Variants in HSDL1 observed in about 807,000 individuals in gnomAD.
HSDL1 encodes the protein hydroxysteroid dehydrogenase like 1.
Under a neutral mutation model 31.5 loss-of-function variants are expected in HSDL1, and 29 were observed. The ratio of observed to expected loss-of-function variants is 0.92; its 90% CI spans 0.69 to 1.26. The LOEUF is 1.26. Ranked by LOEUF, HSDL1 falls within the 50% of genes most tolerant of loss-of-function variation. The pLI is 0.00. For missense variants in HSDL1, 503 were observed against 416.6 expected, an observed-to-expected ratio of 1.21 and a Z score of -1.81; for synonymous variants, 222 against 155.2, an observed-to-expected ratio of 1.43 and a Z score of -3.20.
At chr16:84,129,493 T>G in intron 5 of HSDL1, 55 bp downstream of exon 5, 1 of 1,216,472 alleles carries the variant, frequency 8.2e-7, no homozygotes, top group Non-Finnish European at 1.2e-6. Flanking sequence ...TCTGTATCAC[T>G]GAGATAGGTT....
At chr16:84,129,426 G>A in intron 5 of HSDL1, 122 bp downstream of exon 5, 3 of 732,550 alleles carry the variant, frequency 4.1e-6, no homozygotes, top group Non-Finnish European at 6.8e-6. Context: ...AAATTATTAA[G>A]TGTCAGGCTT....
intron 1 of HSDL1, among the ~76,000 whole-genome samples, chr16:84,135,929 C>A (rs2086707985): frequency 6.6e-6 from 1 of 152,206 alleles, no homozygotes. Flanking sequence ...CCCAGGAGCC[C>A]TTGGGGAAAC....
At chr16:84,129,167 G>C (rs1416134628) in intron 5 of HSDL1, among the ~76,000 whole-genome samples, 1 of 152,108 alleles carries the variant, frequency 6.6e-6, no homozygotes, top group Non-Finnish European at 1.5e-5. Flanking sequence ...CAGATCATGA[G>C]GCCGGAGATC....
intron 3 of HSDL1, chr16:84,130,890 G>A: frequency 1.8e-6 from 1 of 558,022 alleles, no homozygotes; most frequent in Non-Finnish European, 3.2e-6. Context: ...GAACAGGAGA[G>A]AGCAGAATAG....
Position 84,124,314 on chromosome 16 carries a change from A to G in HSDL1, c.*316T>C, listed in dbSNP as rs2086581248. 1 of 181,952 alleles carries G rather than the reference A, an allele frequency of 5.5e-6. No individual in the cohort carries two copies. The highest frequency in any genetic ancestry group is 2.3e-5 in the African/African-American group (1 of 42,758). 11.3% of individuals were successfully genotyped at this position (181,952 alleles called of 1,614,324 possible). A position where few individuals can be genotyped will look rare whatever the true frequency, so the allele number is the denominator to read the frequency against. On this transcript the variant is annotated 3_prime_UTR_variant, in exon 6 of 6. Coordinates refer to ENST00000219439, the MANE Select transcript of HSDL1 (RefSeq NM_031463.5). ...CTGAAATTATAAGACCTGACAAATC[A>G]TATTATATTTCAATATTAGACTGCT... is the stretch of plus-strand genomic sequence containing the variant.
chr16:84,140,405 C>T (rs1202930852), intron 1 of HSDL1, among the ~76,000 whole-genome samples: 2 of 152,064 alleles, frequency 1.3e-5, no homozygotes, highest in African/African-American at 4.8e-5. Context: ...GCTGGGACTA[C>T]AGGTGCCCTC....
Position 84,134,765 on chromosome 16 carries a change from C to T in HSDL1, c.-7+779G>A, listed in dbSNP as rs141186533. On this transcript the variant is annotated intron_variant, in intron 2 of 5. Coordinates refer to ENST00000219439, the MANE Select transcript of HSDL1 (RefSeq NM_031463.5). ...GCCATGAGGAAAGTAAATGCAAAAACAATTACCTGTATGTAATTACCTGTA... is the reference window on the plus strand; with the variant it reads ...GCCATGAGGAAAGTAAATGCAAAAATAATTACCTGTATGTAATTACCTGTA... 4.5e-3 allele frequency among the ~76,000 whole-genome samples: 686 copies of T among 152,248 alleles called. 5 individuals carry two copies. The highest frequency in any genetic ancestry group is 0.015 in the African/African-American group (638 of 41,538).
rs928754168 is a variant in HSDL1 at position 84,122,783 on chromosome 16, G to A, written c.*1847C>T. ...AAGGTCTTGCTCTTCATCTTTCACT[G>A]CAGCTATGGACAGCTCGGCACCACA... On this transcript the variant is annotated 3_prime_UTR_variant, in exon 6 of 6. Coordinates refer to ENST00000219439, the MANE Select transcript of HSDL1 (RefSeq NM_031463.5). The A allele has an allele frequency of 3.9e-5, 6 of 152,186 alleles. No homozygotes were observed. Among genetic ancestry groups the A allele is most frequent in the African/African-American group, 7.2e-5 (3 of 41,438 alleles). 9.4% of individuals were successfully genotyped at this position (152,186 alleles called of 1,614,324 possible).
At chr16:84,131,873 G>A (rs1298284873) in intron 2 of HSDL1, among the ~76,000 whole-genome samples, 1 of 152,180 alleles carries the variant, frequency 6.6e-6, no homozygotes, top group Non-Finnish European at 1.5e-5. Context: ...TAGAGACAGG[G>A]TTTCACCGCG....
intron 5 of HSDL1, among the ~76,000 whole-genome samples, chr16:84,125,719 C>G (rs1486324418): frequency 2.6e-5 from 4 of 152,232 alleles, no homozygotes; most frequent in African/African-American, 9.6e-5. Flanking sequence ...CCCACCTACC[C>G]GACTTTCTGT....
chr16:84,133,515 T>TG (rs2086686654), intron 2 of HSDL1, among the ~76,000 whole-genome samples: 1 of 152,038 alleles, frequency 6.6e-6, no homozygotes, highest in Admixed American at 6.6e-5. Context: ...CCAAGGCAGG[T>TG]GGTCAGGAGT....
In HSDL1 at chr16:84,130,066, T is replaced by C; in HGVS notation, c.586A>G (p.Lys196Glu). The change falls in exon 4 of 6, where the codon AAG becomes GAG. Residue 196 changes from lysine to glutamate, a missense_variant. Lys to Glu is a moderately conservative substitution (Grantham distance 56). Coordinates refer to ENST00000219439, the MANE Select transcript of HSDL1 (RefSeq NM_031463.5). ...GAGATCGTGACGATGGCACCTTTCT[T>C]TCTCTCCACCATTCCCGGTAACACA... ...HVVLPGMVER[K>E]KGAIVTISSG... 1 of 1,614,168 alleles carries C rather than the reference T, an allele frequency of 6.2e-7. No homozygotes were observed. The highest frequency in any genetic ancestry group is 8.5e-7 in the Non-Finnish European group (1 of 1,180,034).
intron 1 of HSDL1, among the ~76,000 whole-genome samples, chr16:84,137,500 T>C (rs1216337083): frequency 6.6e-6 from 1 of 151,996 alleles, no homozygotes; most frequent in Non-Finnish European, 1.5e-5. Context: ...TTTAGGAAGG[T>C]AACGCAGCAG....
At chr16:84,144,608 C>A (rs1470419674) in intron 1 of HSDL1, among the ~76,000 whole-genome samples, 1 of 152,132 alleles carries the variant, frequency 6.6e-6, no homozygotes, top group Non-Finnish European at 1.5e-5. Context: ...CAAACCAAAT[C>A]GTTCAGAAAT....
At chr16:84,126,397 G>C (rs889339938) in intron 5 of HSDL1, among the ~76,000 whole-genome samples, 2 of 152,082 alleles carry the variant, frequency 1.3e-5, no homozygotes, top group African/African-American at 4.8e-5. Context: ...AAACAAATTT[G>C]GTCGTCACAC....
intron 1 of HSDL1, among the ~76,000 whole-genome samples, chr16:84,144,045 TC>T (rs1403829608): frequency 4.8e-5 from 2 of 41,662 alleles, no homozygotes; most frequent in African/African-American, 9.4e-5. Flanking sequence ...ACCCTCCCCC[TC>T]CCCCTCCCTC....
chr16:84,131,560 G>T (rs1240532708), intron 2 of HSDL1, among the ~76,000 whole-genome samples: 1 of 151,996 alleles, frequency 6.6e-6, no homozygotes, highest in African/African-American at 2.4e-5. Flanking sequence ...TGTCGCCCAG[G>T]CTGGAGTGCA....
rs2086770864 is a variant in HSDL1 at position 84,141,690 on chromosome 16, G to A, written c.-69+3390C>T. ...TCCAAAGCTTCACCTTCTGCCAACA[G>A]GGTGGCTGTGAAATGGTATCTCATT... is the stretch of plus-strand genomic sequence containing the variant. On this transcript the variant is annotated intron_variant, in intron 1 of 5. Coordinates refer to ENST00000219439, the MANE Select transcript of HSDL1 (RefSeq NM_031463.5). Among the ~76,000 whole-genome samples the A allele has an allele frequency of 1.3e-5, 2 of 152,220 alleles. 1 individual carries two copies. The highest frequency in any genetic ancestry group is 4.1e-4 in the South Asian group (2 of 4,832).
rs896488523 is a variant in HSDL1, at chr16:84,124,634, G to C, written c.989C>G (p.Ala330Gly). The C allele has an allele frequency of 9.9e-6, 16 of 1,608,150 alleles. No individual in the cohort carries two copies. The highest frequency in any genetic ancestry group is 1.4e-5 in the Non-Finnish European group (16 of 1,174,644). The change falls in exon 6 of 6, where the codon GCC (alanine) becomes GGC (glycine). Residue 330 changes from alanine to glycine, a missense_variant. Coordinates refer to ENST00000219439, the MANE Select transcript of HSDL1 (RefSeq NM_031463.5). ...TTCTCAAGTGGCCATCCAGACTCAG[G>C]CTGTGCAGGATAAGGCTTCCTTACG... ...SLRKEALSCT[A>G]
Sources: gnomAD v4.1 joint callset for allele counts (sites outside exome capture counted in the v4.1 genomes callset) on GRCh38, gnomAD v4.1.1 for gene constraint, MANE v1.5 for transcripts, NCBI Gene and HGNC (gene_info 2026-07-23, HGNC 2026-07-21) for gene names.